DOCK5: variants seen among roughly 807,000 people sequenced by gnomAD.
The protein encoded by DOCK5 is dedicator of cytokinesis protein 5.
In DOCK5, 142 loss-of-function variants were observed where a neutral mutation model predicts 251.8. That is an observed-to-expected ratio of 0.56 (90% CI 0.49 to 0.65). The LOEUF (loss-of-function observed/expected upper bound fraction) is 0.65. Ranked by LOEUF, DOCK5 falls within the 30% of genes least tolerant of loss-of-function variation. DOCK5 has a pLI of 0.00. For synonymous variants in DOCK5, 842 were observed against 835.5 expected, an observed-to-expected ratio of 1.01 and a Z score of -0.13; for missense variants, 2,111 against 2,312.3, an observed-to-expected ratio of 0.91 and a Z score of 1.79.
chr8:25,392,581 G>A (rs922370452), intron 43 of DOCK5, among the ~76,000 whole-genome samples: 7 of 152,158 alleles, frequency 4.6e-5, no homozygotes, highest in Non-Finnish European at 1.0e-4. Context: ...TCTGTAGGGT[G>A]AGAAGTCCCA....
intron 24 of DOCK5, 49 bp from the exon 25 acceptor site, chr8:25,342,352 T>G (rs1366231350): frequency 4.8e-6 from 7 of 1,452,554 alleles, no homozygotes; most frequent in Non-Finnish European, 5.7e-6. Context: ...AATGATGCCT[T>G]CAATTTGGCA....
intron 31 of DOCK5, 46 bp downstream of exon 31, chr8:25,367,016 T>C (rs1800788390): frequency 6.7e-7 from 1 of 1,498,688 alleles, no homozygotes; most frequent in African/African-American, 1.4e-5. Flanking sequence ...CTTCTTCCAT[T>C]TGTTTACATT....
chr8:25,214,232 C>G (rs1469727968), intron 1 of DOCK5, among the ~76,000 whole-genome samples: 1 of 152,124 alleles, frequency 6.6e-6, no homozygotes, highest in African/African-American at 2.4e-5. Flanking sequence ...TGTTGTCTCC[C>G]TCACTGACCC....
chr8:25,288,628 T>C (rs932440238), intron 5 of DOCK5, among the ~76,000 whole-genome samples: 2 of 152,182 alleles, frequency 1.3e-5, no homozygotes, highest in African/African-American at 4.8e-5. Flanking sequence ...TATCTTAACA[T>C]TAGAAAACAC....
intron 34 of DOCK5, among the ~76,000 whole-genome samples, chr8:25,371,192 G>A (rs978427246): frequency 6.6e-6 from 1 of 152,120 alleles, no homozygotes; most frequent in Admixed American, 6.6e-5. Flanking sequence ...TAAGGAACCA[G>A]CACTCTGAAT....
At chr8:25,371,480 TA>T (rs536940379) in intron 34 of DOCK5, among the ~76,000 whole-genome samples, 187 of 152,154 alleles carry the variant, frequency 1.2e-3, no homozygotes, top group African/African-American at 3.8e-3. Flanking sequence ...AAAATAAAAA[TA>T]AAAAAAATAA....
intron 28 of DOCK5, among the ~76,000 whole-genome samples, chr8:25,360,638 T>G (rs766386044): frequency 6.6e-5 from 10 of 152,218 alleles, no homozygotes; most frequent in Non-Finnish European, 1.2e-4. Context: ...TGAGGGTTAA[T>G]TAAGTGTTGC....
At chr8:25,304,532 T>C (rs1037888267) in intron 11 of DOCK5, 3 of 487,274 alleles carry the variant, frequency 6.2e-6, no homozygotes, top group South Asian at 3.7e-5. Context: ...AACTGAACTT[T>C]CCTGATTCTA....
intron 14 of DOCK5, among the ~76,000 whole-genome samples, chr8:25,318,782 A>C (rs765120558): frequency 4.6e-5 from 7 of 151,268 alleles, no homozygotes; most frequent in African/African-American, 7.3e-5. Context: ...TGCTTTGGTA[A>C]CCAAGGACCA....
intron 4 of DOCK5, chr8:25,277,614 T>C (rs1804078654): frequency 6.6e-6 from 1 of 152,192 alleles, no homozygotes; most frequent in Non-Finnish European, 1.5e-5. Flanking sequence ...TCTCCTGCCC[T>C]GCTGGAGAAG....
At chr8:25,209,126 G>A (rs1010724351) in intron 1 of DOCK5, among the ~76,000 whole-genome samples, 6 of 152,126 alleles carry the variant, frequency 3.9e-5, no homozygotes, top group African/African-American at 9.7e-5. Flanking sequence ...AAGATGCCGC[G>A]GGTGCACTGC....
At chr8:25,336,598 G>C (rs866288731) in intron 22 of DOCK5, among the ~76,000 whole-genome samples, 2 of 152,176 alleles carry the variant, frequency 1.3e-5, no homozygotes, top group African/African-American at 4.8e-5. Flanking sequence ...ATGACCTCAG[G>C]ACTTGGGGAA....
Position 25,319,683 on chromosome 8 carries a change from ATG to A in DOCK5, c.1542+8_1542+9del, listed in dbSNP as rs1805367133. 2 of 1,563,612 alleles carry A rather than the reference ATG, an allele frequency of 1.3e-6. No individual in the cohort carries two copies. Among genetic ancestry groups the A allele is most frequent in the African/African-American group, 2.7e-5 (2 of 73,870 alleles). On this transcript the variant is annotated splice_region_variant and intron_variant, in intron 15 of 51. Coordinates refer to ENST00000276440, the MANE Select transcript of DOCK5 (RefSeq NM_024940.8). ...TTGGTATGAGACTGTCAAGGTGAGAATGAGTCATTTGTAACCCCTGTTATCTG... is the reference window on the plus strand; with the variant it reads ...TTGGTATGAGACTGTCAAGGTGAGAAAGTCATTTGTAACCCCTGTTATCTG...
intron 2 of DOCK5, 116 bp from the exon 3 acceptor site, chr8:25,268,729 C>G: frequency 1.2e-6 from 1 of 808,464 alleles, no homozygotes; most frequent in Middle Eastern, 3.3e-4. Flanking sequence ...TGTTAATTGT[C>G]TCTGTCAACT....
chr8:25,392,664 C>T (rs999952629), intron 43 of DOCK5, 132 bp from the exon 44 acceptor site: 29 of 783,492 alleles, frequency 3.7e-5, no homozygotes, highest in East Asian at 1.3e-4. Flanking sequence ...TCAGTCTCTA[C>T]GAGGCATTTG....
At chr8:25,254,603 G>A (rs564152299) in intron 2 of DOCK5, among the ~76,000 whole-genome samples, 203 of 151,388 alleles carry the variant, frequency 1.3e-3, no homozygotes, top group African/African-American at 4.5e-3. Flanking sequence ...GTGAAACCCC[G>A]TCTCTACTAA....
intron 2 of DOCK5, among the ~76,000 whole-genome samples, chr8:25,263,154 A>G (rs938889134): frequency 2.0e-5 from 3 of 151,894 alleles, no homozygotes; most frequent in African/African-American, 7.3e-5. Flanking sequence ...ATATGTTGAG[A>G]CAAATAAGAT....
At chr8:25,258,618 G>C (rs1309215234) in intron 2 of DOCK5, among the ~76,000 whole-genome samples, 6 of 152,154 alleles carry the variant, frequency 3.9e-5, no homozygotes, top group African/African-American at 9.7e-5. Flanking sequence ...GATCCCAGGA[G>C]AACAAAGAAG....
chr8:25,189,237 T>A (rs1032506059), intron 1 of DOCK5, among the ~76,000 whole-genome samples: 1 of 152,122 alleles, frequency 6.6e-6, no homozygotes, highest in Non-Finnish European at 1.5e-5. Context: ...AAAATAATCA[T>A]TTTAAAGATG....
Sources: allele counts gnomAD v4.1 joint callset (sites outside exome capture counted in the v4.1 genomes callset), GRCh38; gene constraint gnomAD v4.1.1; transcripts MANE v1.5; gene names NCBI Gene and HGNC (gene_info 2026-07-23, HGNC 2026-07-21).